MGST1: variants seen among roughly 807,000 people sequenced by gnomAD.
MGST1 encodes the protein microsomal glutathione S-transferase 1.
Under a neutral mutation model 8.9 loss-of-function variants are expected in MGST1, and 5 were observed. The ratio of observed to expected loss-of-function variants is 0.56; its 90% CI spans 0.29 to 1.19. MGST1 has a LOEUF of 1.19. Ranked by LOEUF, MGST1 falls within the 50% of genes most tolerant of loss-of-function variation. MGST1 has a pLI of 0.08. For missense variants in MGST1, 182 were observed against 187.4 expected, an observed-to-expected ratio of 0.97 and a Z score of 0.17; for synonymous variants, 54 against 67.8, an observed-to-expected ratio of 0.80 and a Z score of 1.00.
At chr12:16,479,973 AT>A (rs1055417082) in intron 4 of MGST1, among the ~76,000 whole-genome samples, 1 of 152,202 alleles carries the variant, frequency 6.6e-6, no homozygotes, top group African/African-American at 2.4e-5. Context: ...CAAGAAATGG[AT>A]CATAAAGTAA....
rs1240612067 is a variant in MGST1 at position 16,413,307 on chromosome 12, G to A, written n.779-24081G>A. 1.3e-5 allele frequency among the ~76,000 whole-genome samples: 2 copies of A among 152,204 alleles called. No individual in the cohort carries two copies. The highest frequency in any genetic ancestry group is 2.9e-5 in the Non-Finnish European group (2 of 68,034). On this transcript the variant is annotated intron_variant and non_coding_transcript_variant, in intron 1 of 1. Transcript: ENST00000359720. This position sits in a 1 kb window ranked among gnomAD's most constrained non-coding sequence, Gnocchi z 4.0. ...CATGCTAGCCACTGCTCAGGTAGCTGTCAAGGGAGAGTCTTACAGACACAA... is the reference window on the plus strand; with the variant it reads ...CATGCTAGCCACTGCTCAGGTAGCTATCAAGGGAGAGTCTTACAGACACAA...
At chr12:16,372,020 T>C (rs1243830546) in intron 3 of MGST1, among the ~76,000 whole-genome samples, 1 of 151,142 alleles carries the variant, frequency 6.6e-6, no homozygotes, top group Non-Finnish European at 1.5e-5. Flanking sequence ...TCTTGCCATA[T>C]ACAAAAATCA....
At chr12:16,420,286 T>G (rs1940823610) in intron 1 of MGST1, among the ~76,000 whole-genome samples, 1 of 152,208 alleles carries the variant, frequency 6.6e-6, no homozygotes, top group Non-Finnish European at 1.5e-5. Context: ...TTCAGATCTT[T>G]TGATTGAAGA....
chr12:16,411,237 A>G (rs1439482633), intron 1 of MGST1, among the ~76,000 whole-genome samples: 2 of 152,146 alleles, frequency 1.3e-5, no homozygotes, highest in Non-Finnish European at 2.9e-5. Context: ...CATTGAGCTC[A>G]CCGTTACAGC....
intron 4 of MGST1, among the ~76,000 whole-genome samples, chr12:16,472,643 A>G (rs1388934556): frequency 1.3e-5 from 2 of 152,182 alleles, no homozygotes. Flanking sequence ...ATCTTCGGAG[A>G]TATCTTTTCA....
At chr12:16,394,348 A>G (rs1009332879) in intron 1 of MGST1, among the ~76,000 whole-genome samples, 1 of 150,954 alleles carries the variant, frequency 6.6e-6, no homozygotes, top group East Asian at 2.0e-4. Flanking sequence ...TTTTCTATTT[A>G]GTTATTAATC....
intron 4 of MGST1, among the ~76,000 whole-genome samples, chr12:16,494,077 G>C (rs2058795): frequency 0.8 from 122,047 of 152,034 alleles, 51,217 homozygotes; most frequent in East Asian, 0.96. Flanking sequence ...AAAATATAGT[G>C]AGAAATCTCT....
At chr12:16,530,593 A>G (rs1941716590) in intron 4 of MGST1, among the ~76,000 whole-genome samples, 1 of 152,150 alleles carries the variant, frequency 6.6e-6, no homozygotes, top group Non-Finnish European at 1.5e-5. Flanking sequence ...AGGCCAGTTT[A>G]TGGAGGGGGT....
downstream of MGST1, among the ~76,000 whole-genome samples, chr12:16,368,426 G>T (rs1022563185): frequency 2.0e-4 from 31 of 152,136 alleles, no homozygotes; most frequent in Non-Finnish European, 5.9e-5. Flanking sequence ...AATCCATTTA[G>T]AAACAGCAGC....
chr12:16,412,432 TGAG>T (rs1201205267), intron 1 of MGST1, among the ~76,000 whole-genome samples: 2 of 152,208 alleles, frequency 1.3e-5, no homozygotes, highest in African/African-American at 2.4e-5. Flanking sequence ...ATTTGTTGCT[TGAG>T]GAGAATTAGG....
At chr12:16,494,114 T>A (rs1591744520) in intron 4 of MGST1, among the ~76,000 whole-genome samples, 1 of 152,166 alleles carries the variant, frequency 6.6e-6, no homozygotes, top group African/African-American at 2.4e-5. Context: ...AAAAGCGGTA[T>A]GTTCCCTGAT....
chr12:16,588,863 A>G (rs1419139268), intron 4 of MGST1, among the ~76,000 whole-genome samples: 2 of 152,054 alleles, frequency 1.3e-5, no homozygotes, highest in Admixed American at 1.3e-4. Flanking sequence ...TCTTATCTTC[A>G]TAACTCAGTG....
intron 1 of MGST1, among the ~76,000 whole-genome samples, chr12:16,394,788 A>T (rs1940590537): frequency 6.6e-6 from 1 of 151,622 alleles, no homozygotes; most frequent in Non-Finnish European, 1.5e-5. Flanking sequence ...GTAGAGACAT[A>T]GTTTCACCAT....
downstream of MGST1, among the ~76,000 whole-genome samples, chr12:16,366,582 AAAC>A (rs1238265097): frequency 6.6e-6 from 1 of 151,814 alleles, no homozygotes; most frequent in Admixed American, 6.6e-5. This position sits in a 1 kb window ranked among gnomAD's most constrained non-coding sequence, Gnocchi z 4.0. Context: ...CTTAATTTGA[AAAC>A]AAAGATTGTG....
chr12:16,395,794 T>TACACACACACACAC (rs71054815), intron 1 of MGST1, among the ~76,000 whole-genome samples: 2 of 133,406 alleles, frequency 1.5e-5, no homozygotes, highest in Non-Finnish European at 3.1e-5. Context: ...TATATATATA[T>TACACACACACACAC]ATATATATAT....
At chr12:16,549,718 G>A (rs1941916012) in intron 4 of MGST1, 1 of 152,084 alleles carries the variant, frequency 6.6e-6, no homozygotes, top group Non-Finnish European at 1.5e-5. Flanking sequence ...AATTAGATTT[G>A]TTGAAAAGTA....
chr12:16,397,340 G>A (rs192285433), intron 1 of MGST1, among the ~76,000 whole-genome samples: 5 of 152,142 alleles, frequency 3.3e-5, no homozygotes, highest in Admixed American at 2.0e-4. Flanking sequence ...AGATAACATC[G>A]GGAAAACCCC....
At chr12:16,523,374 T>C (rs1941661228) in intron 4 of MGST1, among the ~76,000 whole-genome samples, 2 of 152,042 alleles carry the variant, frequency 1.3e-5, no homozygotes, top group South Asian at 4.1e-4. Context: ...GACAGATTGT[T>C]TTCTAGGTGT....
intron 4 of MGST1, among the ~76,000 whole-genome samples, chr12:16,452,197 A>G (rs1157155304): frequency 6.6e-6 from 1 of 151,890 alleles, no homozygotes; most frequent in Non-Finnish European, 1.5e-5. Context: ...TTGTCTTTCT[A>G]TAAGATAGCC....
Sources: allele counts gnomAD v4.1 joint callset (sites outside exome capture counted in the v4.1 genomes callset), GRCh38; gene constraint gnomAD v4.1.1; non-coding constraint Gnocchi (gnomAD v3.1); transcripts MANE v1.5; gene names NCBI Gene and HGNC (gene_info 2026-07-23, HGNC 2026-07-21).